The following CDH18 variants were observed in gnomAD, a reference collection of about 807,000 sequenced individuals.
The protein encoded by CDH18 is cadherin 18.
In CDH18, 31 loss-of-function variants were observed where a neutral mutation model predicts 67.9. The observed-to-expected ratio is 0.46, with a 90% CI of 0.34 to 0.62. The LOEUF is 0.62. Among genes scored for constraint, CDH18 ranks in the 20% least tolerant of loss-of-function variants. CDH18 has a pLI of 0.01. For missense variants in CDH18, 890 were observed against 975.5 expected, an observed-to-expected ratio of 0.91 and a Z score of 1.17; for synonymous variants, 362 against 347.2, an observed-to-expected ratio of 1.04 and a Z score of -0.48.
intron 1 of CDH18, among the ~76,000 whole-genome samples, chr5:20,350,931 T>C (rs997987476): frequency 6.6e-6 from 1 of 151,916 alleles, no homozygotes; most frequent in African/African-American, 2.4e-5. Flanking sequence ...AATAGGCTAA[T>C]TCAATATCTC....
intron 1 of CDH18, among the ~76,000 whole-genome samples, chr5:20,554,430 C>G (rs181623506): frequency 2.6e-5 from 4 of 152,162 alleles, no homozygotes; most frequent in Non-Finnish European, 4.4e-5. Context: ...CACTTTTTCT[C>G]TATTTCCTCA....
At chr5:19,674,301 T>G (rs573369925) in intron 5 of CDH18, among the ~76,000 whole-genome samples, 1 of 152,164 alleles carries the variant, frequency 6.6e-6, no homozygotes, top group South Asian at 2.1e-4. Context: ...TTGCAAAAAT[T>G]TATTGTGAAA....
At chr5:20,256,448 A>G (rs1744239901) in intron 1 of CDH18, among the ~76,000 whole-genome samples, 1 of 152,204 alleles carries the variant, frequency 6.6e-6, no homozygotes, top group South Asian at 2.1e-4. Flanking sequence ...GATGCCTCAA[A>G]TACTTTAGGA....
chr5:20,069,823 C>T (rs1743315551), intron 2 of CDH18, among the ~76,000 whole-genome samples: 1 of 152,110 alleles, frequency 6.6e-6, no homozygotes. Context: ...ATATACACAG[C>T]CTCTCCCATT....
intron 3 of CDH18, among the ~76,000 whole-genome samples, chr5:19,802,469 A>G (rs931403822): frequency 2.0e-5 from 3 of 152,192 alleles, no homozygotes; most frequent in African/African-American, 7.2e-5. Flanking sequence ...TTAAAATAAA[A>G]TGAATTATAT....
intron 1 of CDH18, among the ~76,000 whole-genome samples, chr5:20,307,318 A>G (rs1736555186): frequency 6.6e-6 from 1 of 152,088 alleles, no homozygotes; most frequent in Non-Finnish European, 1.5e-5. Flanking sequence ...TTTAGCATTG[A>G]GAATGGATCT....
intron 1 of CDH18, among the ~76,000 whole-genome samples, chr5:20,484,191 G>C (rs1753011706): frequency 6.6e-6 from 1 of 151,922 alleles, no homozygotes; most frequent in South Asian, 2.1e-4. Flanking sequence ...CCAAATCACT[G>C]ATCATCAGAA....
At position 20,426,305 on chromosome 5, in the gene CDH18, ATTC is replaced by A. The variant is rs997634410; in HGVS notation, c.-580+149154_-580+149156del. ...GCAATGCATGATAATTATTAGCCAA[ATTC>A]TTATTATTCTCAGGAAAAGACACTT... On this transcript the variant is annotated intron_variant, in intron 1 of 14. Coordinates refer to the CDH18 transcript ENST00000507958. Among the ~76,000 whole-genome samples, 4 of 151,176 alleles carry A rather than the reference ATTC, an allele frequency of 2.6e-5. 1 individual carries two copies. The highest frequency in any genetic ancestry group is 9.9e-5 in the African/African-American group (4 of 40,480).
At chr5:19,860,427 C>T (rs1784768645) in intron 2 of CDH18, among the ~76,000 whole-genome samples, 1 of 149,502 alleles carries the variant, frequency 6.7e-6, no homozygotes. Flanking sequence ...TTCTTTTCTT[C>T]TTCTTCTTTT....
intron 3 of CDH18, among the ~76,000 whole-genome samples, chr5:19,811,004 C>T (rs1032819918): frequency 4.2e-5 from 6 of 141,568 alleles, no homozygotes; most frequent in African/African-American, 1.6e-4. Flanking sequence ...GCCTGGATGA[C>T]AGAAAAAGAC....
At chr5:20,487,275 C>T (rs1390061609) in intron 1 of CDH18, among the ~76,000 whole-genome samples, 1 of 151,568 alleles carries the variant, frequency 6.6e-6, no homozygotes, top group South Asian at 2.1e-4. Flanking sequence ...GTTTCCTATG[C>T]TGAATCCCCA....
intron 3 of CDH18, among the ~76,000 whole-genome samples, chr5:19,791,356 A>AACACACACACACACACACACACACACAC (rs58429751): frequency 7.1e-6 from 1 of 141,542 alleles, no homozygotes; most frequent in African/African-American, 2.6e-5. Flanking sequence ...TCGACTTTTA[A>AACACACACACACACACACACACACACAC]ACACACACAC....
chr5:20,376,091 ATTTTTT>A (rs562655039), intron 1 of CDH18, among the ~76,000 whole-genome samples: 3 of 49,750 alleles, frequency 6.0e-5, no homozygotes, highest in African/African-American at 1.2e-4. Flanking sequence ...AAAAGAAACA[ATTTTTT>A]TTTTTTTTTT....
chr5:20,541,361 C>A (rs1235856061), intron 1 of CDH18, among the ~76,000 whole-genome samples: 1 of 152,092 alleles, frequency 6.6e-6, no homozygotes, highest in Non-Finnish European at 1.5e-5. Flanking sequence ...TATGGAAGAT[C>A]TGTTAGTAAA....
intron 2 of CDH18, among the ~76,000 whole-genome samples, chr5:20,235,017 A>G (rs933864380): frequency 2.6e-5 from 4 of 152,136 alleles, no homozygotes; most frequent in Admixed American, 1.3e-4. Flanking sequence ...GTCCTATATT[A>G]TAAAATTTAA....
At chr5:20,175,777 A>G (rs1290262147) in intron 2 of CDH18, among the ~76,000 whole-genome samples, 1 of 152,040 alleles carries the variant, frequency 6.6e-6, no homozygotes, top group Non-Finnish European at 1.5e-5. Flanking sequence ...TGCCTGCTTT[A>G]TATTCTAGCC....
intron 2 of CDH18, among the ~76,000 whole-genome samples, chr5:19,945,209 C>T (rs1002033829): frequency 2.0e-5 from 3 of 152,110 alleles, no homozygotes; most frequent in Admixed American, 2.0e-4. Flanking sequence ...CCTACATGCT[C>T]CCTTCCACCT....
chr5:19,747,119 G>A lies in CDH18; in HGVS notation c.346C>T (p.Leu116=). ...TAGTGGGTCTTCTGCTCTCTGTCTA[G>A]GCTTTTTGTTGAGTGGATATCACCC... The part of the protein sequence containing the change: ...TTGDIHSTKS[L]DREQKTHYVL... Residue 116 remains leucine (L), a synonymous_variant, in exon 4 of 13, where the codon CTA becomes TTA. Transcript: ENST00000382275. 6.2e-7 allele frequency: 1 copy of A among 1,614,052 alleles called. No individual in the cohort carries two copies. The highest frequency in any genetic ancestry group is 1.3e-5 in the African/African-American group (1 of 75,020).
chr5:19,541,239 T>C (rs954162836), intron 9 of CDH18, among the ~76,000 whole-genome samples: 1 of 152,184 alleles, frequency 6.6e-6, no homozygotes, highest in Non-Finnish European at 1.5e-5. Context: ...TATATCACTA[T>C]AAGCATTTTG....
Sources: allele counts gnomAD v4.1 joint callset (sites outside exome capture counted in the v4.1 genomes callset), GRCh38; gene constraint gnomAD v4.1.1; transcripts MANE v1.5; gene names NCBI Gene and HGNC (gene_info 2026-07-23, HGNC 2026-07-21).